DLG2: variants seen among roughly 807,000 people sequenced by gnomAD.
The protein encoded by DLG2 is discs large MAGUK scaffold protein 2, also known as disks large homolog 2.
In DLG2, 45 loss-of-function variants were observed where a neutral mutation model predicts 132.5. The ratio of observed to expected loss-of-function variants is 0.34; its 90% CI spans 0.27 to 0.44. The LOEUF (loss-of-function observed/expected upper bound fraction) is 0.44. Among genes scored for constraint, DLG2 ranks in the 20% least tolerant of loss-of-function variants. The pLI, the probability that DLG2 is intolerant of heterozygous loss-of-function variation, is 1.00. For synonymous variants in DLG2, 424 were observed against 419.6 expected, an observed-to-expected ratio of 1.01 and a Z score of -0.13; for missense variants, 1,045 against 1,196.9, an observed-to-expected ratio of 0.87 and a Z score of 1.87.
intron 7 of DLG2, among the ~76,000 whole-genome samples, chr11:84,440,410 G>A (rs1390700222): frequency 1.3e-5 from 2 of 152,140 alleles, no homozygotes; most frequent in African/African-American, 4.8e-5. Context: ...AAAATTCTCA[G>A]TAGCAAAAGT....
At chr11:83,826,853 A>C (rs1255853422) in intron 17 of DLG2, among the ~76,000 whole-genome samples, 1 of 152,178 alleles carries the variant, frequency 6.6e-6, no homozygotes, top group Non-Finnish European at 1.5e-5. Context: ...GTTTCATAAG[A>C]TTTCTGATTT....
At position 83,874,267 on chromosome 11, in the gene DLG2, G is replaced by GGAAGGAAGGAAA; in HGVS notation, c.1565+152_1565+153insTTTCCTTCCTTC. On this transcript the variant is annotated intron_variant, in intron 16 of 27. Transcript: ENST00000376104. ...AGAAGGGAAGGAAGGAAGGAAAGAA[G>GGAAGGAAGGAAA]GAAGGAAGGGGAGAAGGAAGGAAGG... Among the ~76,000 whole-genome samples, 8 of 148,470 alleles carry GGAAGGAAGGAAA rather than the reference G, an allele frequency of 5.4e-5. No individual in the cohort carries two copies. The East Asian group carries it at 7.9e-4, about 15-fold the overall frequency.
intron 3 of DLG2, among the ~76,000 whole-genome samples, chr11:85,494,609 C>T (rs2093631201): frequency 6.6e-6 from 1 of 151,574 alleles, no homozygotes; most frequent in Non-Finnish European, 1.5e-5. Flanking sequence ...ATTACATAAG[C>T]TTATAAAATA....
At chr11:84,028,949 C>G (rs2095616633) in intron 11 of DLG2, among the ~76,000 whole-genome samples, 1 of 151,986 alleles carries the variant, frequency 6.6e-6, no homozygotes, top group South Asian at 2.1e-4. Flanking sequence ...ATAGCTCTAT[C>G]TTCTTACAAA....
intron 17 of DLG2, among the ~76,000 whole-genome samples, chr11:83,819,330 C>T (rs1382794669): frequency 6.6e-6 from 1 of 151,528 alleles, no homozygotes; most frequent in Non-Finnish European, 1.5e-5. Flanking sequence ...ACTAGCTGGG[C>T]ATTGTGGTAC....
intron 6 of DLG2, chr11:84,639,929 T>A (rs933729706): frequency 4.4e-5 from 8 of 182,180 alleles, no homozygotes; most frequent in Non-Finnish European, 8.9e-5. Flanking sequence ...CTGAAGATAA[T>A]AAGCCTATGA....
At chr11:83,843,231 C>T (rs2057989652) in intron 16 of DLG2, among the ~76,000 whole-genome samples, 1 of 152,126 alleles carries the variant, frequency 6.6e-6, no homozygotes, top group Non-Finnish European at 1.5e-5. Context: ...GTTGTTCCTC[C>T]TTGTCTTTGC....
chr11:84,445,381 A>G (rs2099030582), intron 7 of DLG2, among the ~76,000 whole-genome samples: 1 of 152,184 alleles, frequency 6.6e-6, no homozygotes, highest in African/African-American at 2.4e-5. Context: ...ATAGTAGACT[A>G]GACTTTGAAT....
chr11:84,632,717 A>G (rs2099634159), intron 6 of DLG2, among the ~76,000 whole-genome samples: 1 of 152,178 alleles, frequency 6.6e-6, no homozygotes, highest in Non-Finnish European at 1.5e-5. Flanking sequence ...TGTTAAAACT[A>G]TTTAATACCT....
At chr11:83,507,301 C>T (rs2094753714) in intron 21 of DLG2, among the ~76,000 whole-genome samples, 2 of 151,702 alleles carry the variant, frequency 1.3e-5, no homozygotes, top group Non-Finnish European at 2.9e-5. Context: ...ACCCCCAAAA[C>T]TAATGAAAGA....
At position 84,359,492 on chromosome 11, in the gene DLG2, C is replaced by T. The variant is rs992003999; in HGVS notation, c.520-108201G>A. On this transcript the variant is annotated intron_variant, in intron 7 of 27. Transcript: ENST00000376104. ...TATTTGCTGTTATTAGCAAAGGTTA[C>T]GTGGCCTGAAAATTATTGTCTAGGG... is the stretch of plus-strand genomic sequence containing the variant. 3.9e-5 allele frequency among the ~76,000 whole-genome samples: 6 copies of T among 151,918 alleles called. 1 individual carries two copies. Among genetic ancestry groups the T allele is most frequent in the African/African-American group, 1.2e-4 (5 of 41,478 alleles).
At chr11:83,529,485 G>C (rs147606617) in intron 21 of DLG2, among the ~76,000 whole-genome samples, 1 of 152,030 alleles carries the variant, frequency 6.6e-6, no homozygotes, top group African/African-American at 2.4e-5. Context: ...AGTTACTAAC[G>C]TAAGGCACCT....
At chr11:84,121,810 C>T (rs1466748066) in intron 9 of DLG2, among the ~76,000 whole-genome samples, 1 of 151,624 alleles carries the variant, frequency 6.6e-6, no homozygotes, top group Non-Finnish European at 1.5e-5. Context: ...ATCTGCCCGC[C>T]TCAGCCTCCC....
At chr11:85,430,619 C>G (rs1035004058) in intron 3 of DLG2, among the ~76,000 whole-genome samples, 2 of 152,062 alleles carry the variant, frequency 1.3e-5, no homozygotes. Context: ...CTCCATAGAG[C>G]TCCCAAAATA....
intron 6 of DLG2, among the ~76,000 whole-genome samples, chr11:84,600,240 AAAGC>A (rs72004062): frequency 0.19 from 27,481 of 143,540 alleles, 4,741 homozygotes; most frequent in African/African-American, 0.46. Flanking sequence ...GAAAGACAGA[AAAGC>A]AAGCAAGCAA....
chr11:83,883,972 C>T (rs1165588529), intron 15 of DLG2, among the ~76,000 whole-genome samples: 3 of 147,494 alleles, frequency 2.0e-5, no homozygotes, highest in Non-Finnish European at 3.1e-5. Flanking sequence ...GCCAAGATGG[C>T]CGAATAGGAA....
chr11:84,685,975 C>G (rs945146167), intron 6 of DLG2, among the ~76,000 whole-genome samples: 35 of 152,224 alleles, frequency 2.3e-4, no homozygotes, highest in Non-Finnish European at 4.4e-4. Context: ...GCGTGAGCCA[C>G]CGCGCCCGGC....
At chr11:83,590,664 G>C (rs1384857405) in intron 19 of DLG2, among the ~76,000 whole-genome samples, 2 of 152,136 alleles carry the variant, frequency 1.3e-5, no homozygotes, top group Non-Finnish European at 2.9e-5. Flanking sequence ...AGGTAATAGA[G>C]ACACCAAAAA....
intron 6 of DLG2, among the ~76,000 whole-genome samples, chr11:84,642,062 A>ACG (rs200576128): frequency 2.4e-5 from 3 of 124,650 alleles, no homozygotes; most frequent in African/African-American, 1.2e-4. Context: ...ATATATACGC[A>ACG]CGCGTGTGTG....
Sources: gnomAD v4.1 joint callset for allele counts (sites outside exome capture counted in the v4.1 genomes callset) on GRCh38, gnomAD v4.1.1 for gene constraint, MANE v1.5 for transcripts, NCBI Gene and HGNC (gene_info 2026-07-23, HGNC 2026-07-21) for gene names.